KIF3A: variants seen among roughly 807,000 people sequenced by gnomAD.
KIF3A encodes the protein kinesin-like protein KIF3A.
In KIF3A, 27 loss-of-function variants were observed where a neutral mutation model predicts 92.6. The ratio of observed to expected loss-of-function variants is 0.29; its 90% CI spans 0.21 to 0.40. The LOEUF (loss-of-function observed/expected upper bound fraction) is 0.40. KIF3A is among the 10% of genes least tolerant of loss of function. The pLI, the probability that KIF3A is intolerant of heterozygous loss-of-function variation, is 1.00. For synonymous variants in KIF3A, 250 were observed against 275.4 expected (o/e 0.91, Z 0.92); for missense variants, 581 against 872.6 (o/e 0.67, Z 4.21).
intron 17 of KIF3A, 88 bp downstream of exon 17, chr5:132,700,128 G>C: frequency 1.3e-6 from 1 of 750,726 alleles, no homozygotes; most frequent in Non-Finnish European, 2.2e-6. Flanking sequence ...CAGATATCAA[G>C]TTGATAATAC....
chr5:132,736,253 G>A (rs1754385173), intron 1 of KIF3A, among the ~76,000 whole-genome samples: 1 of 152,300 alleles, frequency 6.6e-6, no homozygotes, highest in South Asian at 2.1e-4. Flanking sequence ...TATTTAAAGA[G>A]CTTTTGAATT....
downstream of KIF3A, among the ~76,000 whole-genome samples, chr5:132,691,757 C>G (rs999597521): frequency 6.6e-6 from 1 of 151,372 alleles, no homozygotes; most frequent in African/African-American, 2.4e-5. Context: ...ACAAAATTAG[C>G]CAGGCATGGT....
chr5:132,724,192 A>G (rs1209845860), intron 4 of KIF3A, among the ~76,000 whole-genome samples: 1 of 152,178 alleles, frequency 6.6e-6, no homozygotes, highest in Non-Finnish European at 1.5e-5. Flanking sequence ...CTTTTACACC[A>G]TTGGTGGGAG....
chr5:132,705,676 T>C (rs1228173807), intron 11 of KIF3A, among the ~76,000 whole-genome samples: 1 of 152,034 alleles, frequency 6.6e-6, no homozygotes, highest in Non-Finnish European at 1.5e-5. Flanking sequence ...ATCAAAGATA[T>C]ATAGCCAGGG....
At position 132,718,789 on chromosome 5, in the gene KIF3A, G is replaced by A. The variant is rs371695455; in HGVS notation, c.617-1805C>T. Among the ~76,000 whole-genome samples, 13 of 152,032 alleles carry A rather than the reference G, an allele frequency of 8.6e-5. No individual in the cohort carries two copies. The East Asian group carries it at 9.7e-4, about 11-fold the overall frequency. ...TTATAGGCGTAAGCCACCACGTCTG[G>A]CTGATTTTTTTGTATTTTTAGTTGA... On this transcript the variant is annotated intron_variant, in intron 5 of 18. Coordinates refer to ENST00000403231, the MANE Select transcript of KIF3A (RefSeq NM_001300791.2).
intron 18 of KIF3A, among the ~76,000 whole-genome samples, chr5:132,698,922 G>A (rs949196600): frequency 1.3e-5 from 2 of 151,984 alleles, no homozygotes. Flanking sequence ...ATTTTTAGTA[G>A]AGACAGCGTT....
intron 2 of KIF3A, among the ~76,000 whole-genome samples, chr5:132,733,471 T>C (rs1316322345): frequency 1.3e-5 from 2 of 152,178 alleles, no homozygotes; most frequent in African/African-American, 4.8e-5. Context: ...AATTAAGATA[T>C]AAATAAATGG....
intron 11 of KIF3A, 44 bp from the exon 12 acceptor site, chr5:132,703,663 T>A: frequency 7.0e-7 from 1 of 1,438,084 alleles, no homozygotes; most frequent in Non-Finnish European, 9.5e-7. Context: ...AATGAATCAA[T>A]GTTTCAGACT....
chr5:132,713,482 T>A (rs939883330), intron 8 of KIF3A, among the ~76,000 whole-genome samples: 1 of 152,216 alleles, frequency 6.6e-6, no homozygotes, highest in Admixed American at 6.5e-5. Flanking sequence ...ATTATTTTAA[T>A]GCTATTGCCT....
chr5:132,736,172 A>G (rs1435115018), intron 1 of KIF3A, among the ~76,000 whole-genome samples: 1 of 152,230 alleles, frequency 6.6e-6, no homozygotes, highest in Non-Finnish European at 1.5e-5. Context: ...CTTTCTGTCT[A>G]CACCAGAGGT....
Position 132,700,240 on chromosome 5 carries a change from T to C in KIF3A, c.1983A>G (p.Pro661=), listed in dbSNP as rs1752986834. 6.3e-7 allele frequency: 1 copy of C among 1,597,264 alleles called. No individual in the cohort carries two copies. The highest frequency in any genetic ancestry group is 8.6e-7 in the Non-Finnish European group (1 of 1,169,564). Residue 661 remains proline, a synonymous_variant, in exon 17 of 19, where the codon CCA becomes CCG. Transcript: ENST00000403231. ...CATCTTTCTCCTTTTTATCAGGTAC[T>C]GGGGTTTGCTTCCTCATGTTATTTC... is the stretch of plus-strand genomic sequence containing the variant. ...YTGNNMRKQT[P]VPDKKEKDPF...
chr5:132,730,422 G>A (rs986837312), intron 2 of KIF3A, among the ~76,000 whole-genome samples: 1 of 150,544 alleles, frequency 6.6e-6, no homozygotes, highest in Admixed American at 6.6e-5. Context: ...AGCCGAGATC[G>A]CGCCACTGCA....
At chr5:132,717,020 CAG>C (rs1424041807) in intron 5 of KIF3A, 36 bp from the exon 6 acceptor site, 3 of 1,590,664 alleles carry the variant, frequency 1.9e-6, no homozygotes, top group Non-Finnish European at 2.6e-6. Context: ...AAAAGTGTAA[CAG>C]AGAGTGCCTT....
At chr5:132,702,377 T>C (rs982956987) in intron 14 of KIF3A, among the ~76,000 whole-genome samples, 165 bp from the exon 15 acceptor site, 1 of 152,212 alleles carries the variant, frequency 6.6e-6, no homozygotes, top group African/African-American at 2.4e-5. Flanking sequence ...CTACACTATT[T>C]GTTAAGGTTG....
chr5:132,700,065 C>T (rs1269473894), intron 17 of KIF3A, 151 bp downstream of exon 17: 1 of 601,594 alleles, frequency 1.7e-6, no homozygotes, highest in African/African-American at 1.9e-5. Context: ...TCACCCCATC[C>T]TAGAGCCTTT....
At chr5:132,710,903 T>C in intron 9 of KIF3A, 56 bp downstream of exon 9, 1 of 1,612,164 alleles carries the variant, frequency 6.2e-7, no homozygotes. Context: ...TCATGCACTC[T>C]ACCACCTTGT....
intron 11 of KIF3A, among the ~76,000 whole-genome samples, chr5:132,704,613 T>C (rs1163495127): frequency 6.6e-6 from 1 of 151,908 alleles, no homozygotes; most frequent in Non-Finnish European, 1.5e-5. Context: ...GACAATTCAT[T>C]TCTGGTCATA....
rs1380786585 is a variant in KIF3A, at chr5:132,702,912, T to C, written c.1620A>G (p.Gln540=). Residue 540 remains glutamine (Q), a synonymous_variant, in exon 13 of 19, where the codon CAA becomes CAG. Transcript: ENST00000403231. The part of the protein sequence containing the change: ...ELEERRKRAE[Q]LRRELEEKEQ... ...CTTTTTCCTCAAGTTCTCTGCGAAG[T>C]TGCTCTGCTCTTTTCCTCCTTTCTT... 7.4e-6 allele frequency: 12 copies of C among 1,613,514 alleles called. No homozygotes were observed. The highest frequency in any genetic ancestry group is 1.0e-5 in the Non-Finnish European group (12 of 1,179,808).
At chr5:132,735,704 C>T (rs950701720) in intron 1 of KIF3A, among the ~76,000 whole-genome samples, 1 of 152,218 alleles carries the variant, frequency 6.6e-6, no homozygotes, top group Non-Finnish European at 1.5e-5. Flanking sequence ...GCCCTACTGC[C>T]TATTCTCCAA....
Sources: gnomAD v4.1 joint callset for allele counts (sites outside exome capture counted in the v4.1 genomes callset) on GRCh38, gnomAD v4.1.1 for gene constraint, MANE v1.5 for transcripts, NCBI Gene and HGNC (gene_info 2026-07-23, HGNC 2026-07-21) for gene names.